The following KIAA0825 variants were observed in gnomAD, a reference collection of about 807,000 sequenced individuals.
KIAA0825 encodes uncharacterized protein KIAA0825.
In KIAA0825, 119 loss-of-function variants were observed where a neutral mutation model predicts 147.6. The ratio of observed to expected loss-of-function variants is 0.81; its 90% CI spans 0.69 to 0.94. KIAA0825 has a LOEUF of 0.94. Ranked by LOEUF, KIAA0825 falls within the 40% of genes least tolerant of loss-of-function variation. The pLI is 0.00. For missense variants in KIAA0825, 1,381 were observed against 1,472.7 expected (o/e 0.94, Z 1.02); for synonymous variants, 470 against 518.1 (o/e 0.91, Z 1.26).
chr5:94,575,822 A>C (rs140315805), intron 2 of KIAA0825, among the ~76,000 whole-genome samples: 17 of 152,340 alleles, frequency 1.1e-4, no homozygotes, highest in African/African-American at 3.8e-4. Flanking sequence ...ATGTTTGCCC[A>C]TAAGGATTTC....
At chr5:94,211,757 G>T (rs953784974) in intron 20 of KIAA0825, among the ~76,000 whole-genome samples, 1 of 152,106 alleles carries the variant, frequency 6.6e-6, no homozygotes, top group African/African-American at 2.4e-5. Flanking sequence ...CCTACTGGAT[G>T]TTATCTGCAT....
chr5:94,277,499 T>G (rs1471334220), intron 20 of KIAA0825, among the ~76,000 whole-genome samples: 5 of 151,834 alleles, frequency 3.3e-5, no homozygotes, highest in Non-Finnish European at 7.4e-5. Flanking sequence ...CCAACAAACA[T>G]GAAAAAAAGC....
rs77935756 is a variant in KIAA0825 at position 94,509,142 on chromosome 5, G to A, written c.970+11106C>T. Among the ~76,000 whole-genome samples the A allele has an allele frequency of 1.1e-3, 168 of 152,258 alleles. No homozygotes were observed. The East Asian group carries it at 0.028, about 25-fold the overall frequency. On this transcript the variant is annotated intron_variant, in intron 5 of 20. Coordinates refer to ENST00000682413, the MANE Select transcript of KIAA0825 (RefSeq NM_001145678.3). Reference sequence around the variant, plus strand: ...AGTTTATCAGATATACTGATCACATGTACTCTCTGTTGATTGAAAATGACA... The same window carrying A: ...AGTTTATCAGATATACTGATCACATATACTCTCTGTTGATTGAAAATGACA...
At chr5:94,380,852 G>A (rs150500504) in intron 20 of KIAA0825, among the ~76,000 whole-genome samples, 10 of 152,328 alleles carry the variant, frequency 6.6e-5, no homozygotes, top group East Asian at 5.8e-4. Context: ...GATAGTGAGC[G>A]AAGAACACAT....
At chr5:94,417,642 C>T (rs540634469) in intron 14 of KIAA0825, among the ~76,000 whole-genome samples, 7 of 152,222 alleles carry the variant, frequency 4.6e-5, no homozygotes, top group East Asian at 1.9e-4. Flanking sequence ...CAAAGGTCAA[C>T]GCTAGTTTCC....
At chr5:94,496,358 CAG>C (rs1263702217) in intron 5 of KIAA0825, among the ~76,000 whole-genome samples, 1 of 152,216 alleles carries the variant, frequency 6.6e-6, no homozygotes, top group Non-Finnish European at 1.5e-5. Flanking sequence ...GTGGCTGAAA[CAG>C]GGACCTACCT....
intron 20 of KIAA0825, among the ~76,000 whole-genome samples, chr5:94,261,551 G>A (rs913644463): frequency 1.3e-5 from 2 of 152,010 alleles, no homozygotes; most frequent in African/African-American, 2.4e-5. Context: ...AAGAAAACAA[G>A]AACAAACTGA....
chr5:94,358,288 T>C (rs1212394183), intron 20 of KIAA0825, among the ~76,000 whole-genome samples: 1 of 152,060 alleles, frequency 6.6e-6, no homozygotes, highest in Non-Finnish European at 1.5e-5. Context: ...CCTCTTAAAG[T>C]GCAAACTAGA....
chr5:94,207,120 A>C (rs1169409065), intron 20 of KIAA0825, among the ~76,000 whole-genome samples: 1 of 152,170 alleles, frequency 6.6e-6, no homozygotes, highest in Non-Finnish European at 1.5e-5. Context: ...AGTTATACCT[A>C]GGGGCTCCCT....
At position 94,470,080 on chromosome 5, in the gene KIAA0825, G is replaced by A; in HGVS notation, c.1753C>T (p.Gln585Ter). 1.3e-6 allele frequency: 2 copies of A among 1,551,518 alleles called. No individual in the cohort carries two copies. Among genetic ancestry groups the A allele is most frequent in the Non-Finnish European group, 1.7e-6 (2 of 1,146,910 alleles). ...PIFLVLVQRY[Q>*]EFINTLQFQV... ...AACTGTAGAGTGTTGATGAATTCCT[G>A]ATATCGTTGGACAAGCACCAGGAAT... The change falls in exon 10 of 21, where the codon CAG becomes TAG. Residue 585 changes from glutamine to a stop codon, truncating the protein, a stop_gained. Coordinates refer to ENST00000682413, the MANE Select transcript of KIAA0825 (RefSeq NM_001145678.3). LOFTEE classifies it high-confidence loss of function.
chr5:94,236,615 C>T (rs1159597471), intron 20 of KIAA0825, among the ~76,000 whole-genome samples: 1 of 152,162 alleles, frequency 6.6e-6, no homozygotes, highest in Non-Finnish European at 1.5e-5. Flanking sequence ...GGGTAAAATG[C>T]TGTCAAACAG....
intron 16 of KIAA0825, among the ~76,000 whole-genome samples, chr5:94,402,259 A>C (rs1276468424): frequency 1.3e-5 from 2 of 152,282 alleles, no homozygotes; most frequent in East Asian, 1.9e-4. Flanking sequence ...GCTTAGAAAA[A>C]GCAAAATTGT....
At chr5:94,569,584 C>T (rs1258298945) in intron 2 of KIAA0825, 2 of 401,938 alleles carry the variant, frequency 5.0e-6, no homozygotes, top group Non-Finnish European at 9.2e-6. Flanking sequence ...AATTAATTAA[C>T]CACTCATTTA....
intron 2 of KIAA0825, among the ~76,000 whole-genome samples, chr5:94,555,737 C>A (rs1475820407): frequency 2.0e-5 from 3 of 152,032 alleles, no homozygotes; most frequent in South Asian, 2.1e-4. Context: ...GCAATCCTAG[C>A]CATCTCTTGC....
chr5:94,214,958 T>C (rs2150051560), intron 20 of KIAA0825, among the ~76,000 whole-genome samples: 1 of 152,324 alleles, frequency 6.6e-6, no homozygotes, highest in Non-Finnish European at 1.5e-5. Context: ...TTGGTCAAGA[T>C]GAGGATAATC....
chr5:94,584,737 G>A (rs1308789691), intron 1 of KIAA0825, among the ~76,000 whole-genome samples: 4 of 152,172 alleles, frequency 2.6e-5, no homozygotes, highest in South Asian at 4.2e-4. Flanking sequence ...ACACACAATC[G>A]TCAGATTCAC....
At chr5:94,504,140 G>A (rs1012296615) in intron 5 of KIAA0825, among the ~76,000 whole-genome samples, 7 of 152,132 alleles carry the variant, frequency 4.6e-5, no homozygotes, top group South Asian at 2.1e-4. Context: ...TGACAAGATC[G>A]CATTTCTCCA....
chr5:94,566,725 A>T (rs1042218261), intron 2 of KIAA0825, among the ~76,000 whole-genome samples: 2 of 152,110 alleles, frequency 1.3e-5, no homozygotes, highest in Admixed American at 1.3e-4. Context: ...TTCTATATAG[A>T]TTATAATATT....
At chr5:94,194,915 T>G (rs573402255) in intron 20 of KIAA0825, among the ~76,000 whole-genome samples, 1 of 152,346 alleles carries the variant, frequency 6.6e-6, no homozygotes, top group South Asian at 2.1e-4. Flanking sequence ...AAGTATATAC[T>G]GCACTGCATG....
Sources: allele counts gnomAD v4.1 joint callset (sites outside exome capture counted in the v4.1 genomes callset), GRCh38; gene constraint gnomAD v4.1.1; transcripts MANE v1.5; gene names NCBI Gene and HGNC (gene_info 2026-07-23, HGNC 2026-07-21).